The following SPTLC1 variants were observed in gnomAD, a reference collection of about 807,000 sequenced individuals.
SPTLC1 encodes serine palmitoyltransferase long chain base subunit 1.
SPTLC1 carries 55 observed loss-of-function variants against 68.9 expected under a neutral mutation model. The ratio of observed to expected loss-of-function variants is 0.80; its 90% CI spans 0.64 to 1.00. The LOEUF (loss-of-function observed/expected upper bound fraction) is 1.00, where lower values mean the gene tolerates loss of function less well. Among genes scored for constraint, SPTLC1 ranks in the 50% least tolerant of loss-of-function variants. The pLI, the probability that SPTLC1 is intolerant of heterozygous loss-of-function variation, is 0.00. For synonymous variants in SPTLC1, 197 were observed against 201.6 expected, an observed-to-expected ratio of 0.98 and a Z score of 0.19; for missense variants, 449 against 573.1, an observed-to-expected ratio of 0.78 and a Z score of 2.21.
chr9:92,059,140 T>C, intron 7 of SPTLC1, 39 bp downstream of exon 7: 5 of 1,607,536 alleles, frequency 3.1e-6, no homozygotes, highest in Non-Finnish European at 4.3e-6. Context: ...GGTTAGAAAG[T>C]ACAAAAGAAC....
chr9:92,044,349 G>A lies in SPTLC1; in HGVS notation c.1136+1650C>T, dbSNP rs563088023. On this transcript the variant is annotated intron_variant, in intron 12 of 14. Transcript: ENST00000262554. ...GTAAAAGGAAATCCAGGCGTGCAGT[G>A]TAGCAGAGTCCAAAGAAGGAAAGAG... 4.3e-4 allele frequency among the ~76,000 whole-genome samples: 65 copies of A among 152,344 alleles called. 1 individual carries two copies. Among genetic ancestry groups the A allele is most frequent in the Non-Finnish European group, 7.9e-4 (54 of 68,036 alleles).
At chr9:92,083,540 CA>C (rs1434422104) in intron 3 of SPTLC1, among the ~76,000 whole-genome samples, 2 of 152,172 alleles carry the variant, frequency 1.3e-5, no homozygotes, top group Non-Finnish European at 1.5e-5. Context: ...TGTCAAAGAT[CA>C]GATAGTTGTA....
At chr9:92,063,528 T>C (rs1202711560) in intron 6 of SPTLC1, among the ~76,000 whole-genome samples, 1 of 152,094 alleles carries the variant, frequency 6.6e-6, no homozygotes, top group East Asian at 1.9e-4. Flanking sequence ...GTTATTCTGC[T>C]ACCAAAACCA....
intron 11 of SPTLC1, among the ~76,000 whole-genome samples, chr9:92,046,600 G>C (rs906734825): frequency 6.6e-6 from 1 of 152,128 alleles, no homozygotes; most frequent in African/African-American, 2.4e-5. Flanking sequence ...ACTGTACCGG[G>C]TAGGGCCTGC....
chr9:92,063,862 T>C (rs1339878617), intron 6 of SPTLC1, among the ~76,000 whole-genome samples: 1 of 152,176 alleles, frequency 6.6e-6, no homozygotes, highest in African/African-American at 2.4e-5. Flanking sequence ...GGAAAGTGAA[T>C]GTAATAAAGA....
At chr9:92,069,802 T>C (rs894618771) in intron 5 of SPTLC1, among the ~76,000 whole-genome samples, 2 of 152,150 alleles carry the variant, frequency 1.3e-5, no homozygotes, top group Non-Finnish European at 2.9e-5. Context: ...GAAGGACAAC[T>C]CAGGCAACAG....
At chr9:92,075,736 A>G (rs191245208) in intron 5 of SPTLC1, among the ~76,000 whole-genome samples, 1 of 152,210 alleles carries the variant, frequency 6.6e-6, no homozygotes, top group African/African-American at 2.4e-5. Flanking sequence ...CTCTTCACAT[A>G]TAAAACATAC....
chr9:92,045,285 C>T lies in SPTLC1; in HGVS notation c.1136+714G>A, dbSNP rs187193999. ...TTAGGAAAGGCAAAAAGAAAGACCT[C>T]GGGCAATGTGAAATCACTTTATATA... On this transcript the variant is annotated intron_variant, in intron 12 of 14. Coordinates refer to ENST00000262554, the MANE Select transcript of SPTLC1 (RefSeq NM_006415.4). Among the ~76,000 whole-genome samples the T allele has an allele frequency of 3.0e-3, 457 of 151,302 alleles. 5 individuals are homozygous for T. The highest frequency in any genetic ancestry group is 0.011 in the African/African-American group (435 of 41,282).
intron 3 of SPTLC1, chr9:92,107,723 G>C (rs148034422): frequency 1.3e-5 from 2 of 152,304 alleles, no homozygotes; most frequent in African/African-American, 4.8e-5. Context: ...CTACACTCCA[G>C]ACTGGGCGAC....
intron 5 of SPTLC1, chr9:92,079,788 T>C (rs1014203442): frequency 9.2e-6 from 6 of 649,974 alleles, no homozygotes; most frequent in Admixed American, 2.4e-5. Flanking sequence ...TCCCCACACA[T>C]GCACACGAGG....
chr9:92,050,043 C>CTA lies in SPTLC1; in HGVS notation c.804_805insTA (p.Ala269Ter), dbSNP rs746428983. The CTA allele has an allele frequency of 3.7e-6, 6 of 1,613,148 alleles. No homozygotes were observed. In the South Asian group the frequency reaches 6.6e-5, roughly 18 times the overall value. ...AGGCTTTCCTCCAGGAAGATTCTTG[C>CTA]TTTGTATTTGTATTTTAACTTAACC... On this transcript the variant is annotated frameshift_variant, in exon 9 of 15. Coordinates refer to ENST00000262554, the MANE Select transcript of SPTLC1 (RefSeq NM_006415.4). LOFTEE classifies it high-confidence loss of function.
chr9:92,034,429 C>T (rs1833071831), intron 14 of SPTLC1, among the ~76,000 whole-genome samples: 2 of 152,192 alleles, frequency 1.3e-5, no homozygotes, highest in Admixed American at 1.3e-4. Flanking sequence ...GCAGCAGAGG[C>T]GCATGCCCAC....
intron 3 of SPTLC1, among the ~76,000 whole-genome samples, chr9:92,084,086 G>C (rs1835014094): frequency 6.6e-6 from 1 of 151,702 alleles, no homozygotes; most frequent in African/African-American, 2.4e-5. Context: ...TTTGTACATT[G>C]ATTTTGTATC....
intron 2 of SPTLC1, chr9:92,111,158 T>C (rs1411940123): frequency 1.3e-5 from 2 of 152,158 alleles, no homozygotes; most frequent in Non-Finnish European, 2.9e-5. Flanking sequence ...CAAATTAATT[T>C]TCCTACAACT....
intron 12 of SPTLC1, among the ~76,000 whole-genome samples, chr9:92,042,803 T>TGAGGAATGAGCAAATATACCA (rs1404112028): frequency 6.6e-6 from 1 of 152,176 alleles, no homozygotes; most frequent in Admixed American, 6.5e-5. Context: ...CAAAAGAGTC[T>TGAGGAATGAGCAAATATACCA]GAGGAATGAG....
chr9:92,072,951 C>T (rs1834549991), intron 5 of SPTLC1, among the ~76,000 whole-genome samples: 1 of 151,788 alleles, frequency 6.6e-6, no homozygotes, highest in Non-Finnish European at 1.5e-5. Flanking sequence ...TTCAATCTTT[C>T]TCCCCCCAAC....
intron 6 of SPTLC1, among the ~76,000 whole-genome samples, chr9:92,060,916 A>G (rs1206067533): frequency 2.6e-5 from 4 of 151,332 alleles, no homozygotes; most frequent in Non-Finnish European, 5.9e-5. Flanking sequence ...CTGTCTCAAA[A>G]AAAAAAAAAA....
chr9:92,100,232 T>C lies in SPTLC1; in HGVS notation c.260+8508A>G, dbSNP rs139255093. ...GAGTTTGAGACCAGCCTGACCAACA[T>C]GGTGAAACCCCATCTCTAGCAGCCT... is the stretch of plus-strand genomic sequence containing the variant. On this transcript the variant is annotated intron_variant, in intron 3 of 14. Coordinates refer to ENST00000262554, the MANE Select transcript of SPTLC1 (RefSeq NM_006415.4). 8.7e-3 allele frequency among the ~76,000 whole-genome samples: 1,325 copies of C among 152,212 alleles called. 12 individuals are homozygous for C. The highest frequency in any genetic ancestry group is 0.014 in the Middle Eastern group (4 of 294).
At position 92,115,202 on chromosome 9, in the gene SPTLC1, T is replaced by G. The variant is rs977141512; in HGVS notation, c.57+112A>C. 7.0e-6 allele frequency: 7 copies of G among 1,005,118 alleles called. No individual in the cohort carries two copies. In the African/African-American group the frequency reaches 1.1e-4, roughly 16 times the overall value. 62.3% of individuals were successfully genotyped at this position (1,005,118 alleles called of 1,614,324 possible). The stretch of plus-strand genomic sequence containing the variant: ...TCCTTCCAGCAAGAGGCACCGAGTC[T>G]GGGCGTGACCGAGCCAGTCCCGCCG... On this transcript the variant is annotated intron_variant, in intron 1 of 14. Transcript: ENST00000262554.
Sources: allele counts gnomAD v4.1 joint callset (sites outside exome capture counted in the v4.1 genomes callset), GRCh38; gene constraint gnomAD v4.1.1; transcripts MANE v1.5; gene names NCBI Gene and HGNC (gene_info 2026-07-23, HGNC 2026-07-21).